Variants in AUH observed in about 807,000 individuals in gnomAD.
The protein encoded by AUH is methylglutaconyl-CoA hydratase, mitochondrial.
In AUH, 29 loss-of-function variants were observed where a neutral mutation model predicts 42.3. The ratio of observed to expected loss-of-function variants is 0.69; its 90% CI spans 0.51 to 0.93. The LOEUF is 0.93. AUH is among the 40% of genes least tolerant of loss of function. The pLI is 0.00. For synonymous variants in AUH, 174 were observed against 166.4 expected, an observed-to-expected ratio of 1.05 and a Z score of -0.35; for missense variants, 452 against 438.1, an observed-to-expected ratio of 1.03 and a Z score of -0.28.
At chr9:91,244,974 A>G (rs1375435491) in intron 6 of AUH, among the ~76,000 whole-genome samples, 1 of 152,264 alleles carries the variant, frequency 6.6e-6, no homozygotes, top group African/African-American at 2.4e-5. Flanking sequence ...TTACAAATTT[A>G]AAATGTATAT....
Position 91,361,856 on chromosome 9 carries a change from A to G in AUH, c.34T>C (p.Leu12=). The G allele has an allele frequency of 6.7e-7, 1 of 1,483,510 alleles. No homozygotes were observed. The highest frequency in any genetic ancestry group is 8.9e-7 in the Non-Finnish European group (1 of 1,123,308). The allele number at this position is 1,483,510 out of a possible 1,614,324, so 91.9% of individuals were successfully genotyped here. The stretch of plus-strand genomic sequence containing the variant: ...GCGCCGCCAGCATGCAGGGATCCCA[A>G]GGCCCCAGGTGCCGCCGCCACCGCG... The part of the protein sequence containing the change: ...AAAVAAAPGA[L]GSLHAGGARL... Residue 12 remains leucine (L), a synonymous_variant, in exon 1 of 10, where the codon TTG becomes CTG. Transcript: ENST00000375731.
intron 1 of AUH, 149 bp downstream of exon 1, chr9:91,361,479 G>A (rs1832846648): frequency 9.0e-7 from 1 of 1,107,928 alleles, no homozygotes; most frequent in South Asian, 1.6e-5. Context: ...CGCTGGGTGA[G>A]TAGGGAGGTG....
At chr9:91,264,107 A>G (rs1312075460) in intron 6 of AUH, among the ~76,000 whole-genome samples, 1 of 152,290 alleles carries the variant, frequency 6.6e-6, no homozygotes, top group East Asian at 1.9e-4. Flanking sequence ...AGTATCTGCA[A>G]TATTATATAT....
chr9:91,341,729 C>T (rs1190406630), intron 3 of AUH, among the ~76,000 whole-genome samples: 1 of 152,262 alleles, frequency 6.6e-6, no homozygotes, highest in East Asian at 1.9e-4. Context: ...CTAATGCCAA[C>T]GAAAGGAGCT....
chr9:91,253,536 C>T (rs1829248457), intron 6 of AUH, among the ~76,000 whole-genome samples: 1 of 152,228 alleles, frequency 6.6e-6, no homozygotes, highest in African/African-American at 2.4e-5. Context: ...ATGCTCATCA[C>T]AGTAAACCTC....
At chr9:91,233,971 C>T (rs1828035226) in intron 6 of AUH, among the ~76,000 whole-genome samples, 1 of 152,176 alleles carries the variant, frequency 6.6e-6, no homozygotes, top group South Asian at 2.1e-4. Flanking sequence ...GAATTATGGT[C>T]ATGAACTAAG....
intron 6 of AUH, among the ~76,000 whole-genome samples, chr9:91,284,786 T>C (rs543627287): frequency 3.3e-5 from 5 of 152,152 alleles, no homozygotes; most frequent in African/African-American, 7.2e-5. Context: ...GTTAACATGG[T>C]GATTATTAAA....
chr9:91,273,928 G>A (rs1385438343), intron 6 of AUH, among the ~76,000 whole-genome samples: 3 of 152,152 alleles, frequency 2.0e-5, no homozygotes, highest in East Asian at 1.9e-4. Context: ...CTTCTCAGAG[G>A]TGGAAAAGGG....
chr9:91,295,591 A>T (rs1827260868), intron 6 of AUH, among the ~76,000 whole-genome samples: 1 of 152,194 alleles, frequency 6.6e-6, no homozygotes, highest in East Asian at 1.9e-4. Context: ...CGCCACTCTA[A>T]TCAGTCAGCA....
intron 6 of AUH, among the ~76,000 whole-genome samples, chr9:91,228,318 T>C (rs1453409741): frequency 2.6e-5 from 4 of 152,196 alleles, no homozygotes; most frequent in Non-Finnish European, 5.9e-5. Context: ...CCATTTCTTC[T>C]AGATTTTCTA....
rs184264012 is a variant in AUH at position 91,262,796 on chromosome 9, A to C, written c.655+33225T>G. Reference sequence around the variant, plus strand: ...CATCAAGGGCTGGCAAACTATGGTCAGTGAACCAGCTGCCTGTTTTGTGAA... The same window carrying C: ...CATCAAGGGCTGGCAAACTATGGTCCGTGAACCAGCTGCCTGTTTTGTGAA... On this transcript the variant is annotated intron_variant, in intron 6 of 9. Coordinates refer to ENST00000375731, the MANE Select transcript of AUH (RefSeq NM_001698.3). Among the ~76,000 whole-genome samples, 9 of 152,340 alleles carry C rather than the reference A, an allele frequency of 5.9e-5. No individual in the cohort carries two copies. The East Asian group carries it at 1.5e-3, about 26-fold the overall frequency.
intron 1 of AUH, chr9:91,360,205 C>T (rs1303415811): frequency 6.6e-6 from 1 of 152,188 alleles, no homozygotes; most frequent in Admixed American, 6.5e-5. Context: ...AGTAGCTGTA[C>T]TTGCAATCCC....
intron 6 of AUH, among the ~76,000 whole-genome samples, chr9:91,286,685 G>C (rs976467873): frequency 2.8e-5 from 4 of 141,734 alleles, no homozygotes; most frequent in Non-Finnish European, 6.1e-5. Flanking sequence ...GTTAAATCTA[G>C]AATGAGCAAG....
intron 6 of AUH, among the ~76,000 whole-genome samples, chr9:91,254,998 T>C (rs779116740): frequency 2.0e-5 from 3 of 152,228 alleles, no homozygotes; most frequent in African/African-American, 4.8e-5. Context: ...CTGGAATTTA[T>C]AGCCTGGAAT....
At chr9:91,343,888 A>G (rs1189376073) in intron 3 of AUH, among the ~76,000 whole-genome samples, 2 of 152,218 alleles carry the variant, frequency 1.3e-5, no homozygotes, top group African/African-American at 4.8e-5. Flanking sequence ...CAAATTACCA[A>G]AACTCACTCA....
chr9:91,351,467 TAA>T (rs1454348116), intron 3 of AUH, among the ~76,000 whole-genome samples: 1 of 152,222 alleles, frequency 6.6e-6, no homozygotes, highest in African/African-American at 2.4e-5. Context: ...CGGTATATAA[TAA>T]GTCACTTAAA....
intron 3 of AUH, among the ~76,000 whole-genome samples, chr9:91,332,399 G>C (rs1830394829): frequency 6.6e-6 from 1 of 152,136 alleles, no homozygotes; most frequent in African/African-American, 2.4e-5. Flanking sequence ...CTACTTGGGA[G>C]GCTGAGGCAG....
chr9:91,313,165 C>G (rs1032611323), intron 4 of AUH, among the ~76,000 whole-genome samples: 1 of 152,166 alleles, frequency 6.6e-6, no homozygotes, highest in African/African-American at 2.4e-5. Flanking sequence ...AAAAACCGGT[C>G]TGTTTTGGAA....
intron 6 of AUH, among the ~76,000 whole-genome samples, chr9:91,228,265 T>C (rs2131270327): frequency 6.6e-6 from 1 of 152,376 alleles, no homozygotes; most frequent in South Asian, 2.1e-4. Flanking sequence ...TTCAACTTCT[T>C]CGTGGTTTAG....
Sources: allele counts gnomAD v4.1 joint callset (sites outside exome capture counted in the v4.1 genomes callset), GRCh38; gene constraint gnomAD v4.1.1; transcripts MANE v1.5; gene names NCBI Gene and HGNC (gene_info 2026-07-23, HGNC 2026-07-21).